The following CSMD1 variants were observed in gnomAD, a reference collection of about 807,000 sequenced individuals.
The protein encoded by CSMD1 is CUB and Sushi multiple domains 1.
CSMD1 carries 213 observed loss-of-function variants against 417.5 expected under a neutral mutation model. The ratio of observed to expected loss-of-function variants is 0.51; its 90% confidence interval spans 0.46 to 0.57. The LOEUF is 0.57. Among genes scored for constraint, CSMD1 ranks in the 20% least tolerant of loss-of-function variants. CSMD1 has a pLI of 0.00. For missense variants in CSMD1, 6,923 were observed against 4,529.7 expected (o/e 1.53, Z -15.17); for synonymous variants, 2,862 against 1,736.8 (o/e 1.65, Z -16.11).
intron 3 of CSMD1, among the ~76,000 whole-genome samples, chr8:4,114,664 T>A (rs531873195): frequency 6.6e-6 from 1 of 152,210 alleles, no homozygotes; most frequent in African/African-American, 2.4e-5. Flanking sequence ...TAGATGCCAT[T>A]AAGAAAAATT....
chr8:4,163,749 T>C (rs1047766040), intron 3 of CSMD1, among the ~76,000 whole-genome samples: 53 of 152,328 alleles, frequency 3.5e-4, no homozygotes, highest in African/African-American at 1.3e-3. Flanking sequence ...GCACTAATAC[T>C]GCTAAGCTTA....
chr8:4,399,782 T>G (rs1453028965), intron 3 of CSMD1, among the ~76,000 whole-genome samples: 4 of 152,226 alleles, frequency 2.6e-5, no homozygotes, highest in Non-Finnish European at 5.9e-5. Context: ...GTGAGTCTAT[T>G]TCTAAAAGAT....
At chr8:3,796,774 C>G (rs1288829641) in intron 5 of CSMD1, among the ~76,000 whole-genome samples, 2 of 151,168 alleles carry the variant, frequency 1.3e-5, no homozygotes, top group Non-Finnish European at 3.0e-5. Context: ...TTCTGATCAT[C>G]ATATTCTTGA....
intron 2 of CSMD1, among the ~76,000 whole-genome samples, chr8:4,462,532 C>T (rs771134898): frequency 4.6e-5 from 7 of 152,020 alleles, no homozygotes; most frequent in African/African-American, 1.7e-4. Context: ...ACTTAGAATA[C>T]TCAAAACAAT....
Position 4,476,238 on chromosome 8 carries a change from T to C in CSMD1, c.303-56173A>G, listed in dbSNP as rs79972332. Among the ~76,000 whole-genome samples the C allele has an allele frequency of 5.8e-4, 89 of 152,258 alleles. 2 individuals are homozygous for C. The East Asian group carries it at 0.016, about 28-fold the overall frequency. ...AATAAAACTTTTTTAAAAAAAGATA[T>C]GCTAGAAGATATTATACTTTTTATT... On this transcript the variant is annotated intron_variant, in intron 2 of 69. Coordinates refer to ENST00000635120, the MANE Select transcript of CSMD1 (RefSeq NM_033225.6).
At chr8:4,502,690 T>G (rs1245903669) in intron 2 of CSMD1, among the ~76,000 whole-genome samples, 1 of 152,208 alleles carries the variant, frequency 6.6e-6, no homozygotes, top group African/African-American at 2.4e-5. Flanking sequence ...CTTTTCTCTT[T>G]GACTTTAGTT....
intron 6 of CSMD1, among the ~76,000 whole-genome samples, chr8:3,736,291 G>C (rs937271935): frequency 1.1e-4 from 17 of 152,016 alleles, no homozygotes; most frequent in Non-Finnish European, 2.9e-5. Flanking sequence ...ACCCAGGCTA[G>C]AGTGCAGTGG....
intron 11 of CSMD1, among the ~76,000 whole-genome samples, chr8:3,491,293 G>C (rs1341023575): frequency 6.6e-6 from 1 of 151,952 alleles, no homozygotes; most frequent in African/African-American, 2.4e-5. Context: ...TGTGAACTGG[G>C]GTAAATCCTT....
chr8:2,946,322 C>T (rs189318), intron 68 of CSMD1, among the ~76,000 whole-genome samples: 5,443 of 152,232 alleles, frequency 0.036, 288 homozygotes, highest in African/African-American at 0.12. Context: ...CAATCACCAC[C>T]GTAGTCTCAC....
intron 10 of CSMD1, among the ~76,000 whole-genome samples, chr8:3,520,012 G>GTGTATACATATATATA (rs1225105460): frequency 5.0e-5 from 6 of 120,110 alleles, no homozygotes; most frequent in South Asian, 5.4e-4. Context: ...GTGTGTGTGT[G>GTGTATACATATATATA]TATATACCTA....
chr8:4,851,597 T>C (rs754388459), intron 1 of CSMD1, among the ~76,000 whole-genome samples: 11 of 152,164 alleles, frequency 7.2e-5, no homozygotes, highest in Non-Finnish European at 1.3e-4. Flanking sequence ...TTCAATAGCC[T>C]ATCCAACTCC....
intron 3 of CSMD1, among the ~76,000 whole-genome samples, chr8:4,251,585 C>T (rs756372196): frequency 6.6e-6 from 1 of 152,138 alleles, no homozygotes; most frequent in African/African-American, 2.4e-5. Flanking sequence ...TCTATCCCAA[C>T]CCAAAAGTAA....
At chr8:2,979,270 G>T (rs1805201311) in intron 54 of CSMD1, among the ~76,000 whole-genome samples, 1 of 152,188 alleles carries the variant, frequency 6.6e-6, no homozygotes, top group Non-Finnish European at 1.5e-5. Context: ...TTTGCTCTAT[G>T]TAGAACGCAA....
Position 3,463,940 on chromosome 8 carries a change from T to G in CSMD1, c.1561+4772A>C, listed in dbSNP as rs537643924. Among the ~76,000 whole-genome samples, 10 of 152,254 alleles carry G rather than the reference T, an allele frequency of 6.6e-5. No individual in the cohort carries two copies. In the South Asian group the frequency reaches 2.1e-3, roughly 32 times the overall value. ...ACAGACTGAGATGCCTACACAAATT[T>G]CCATTCTCTTATTATCACTGTATTC... On this transcript the variant is annotated intron_variant, in intron 12 of 69. Transcript: ENST00000635120.
intron 7 of CSMD1, among the ~76,000 whole-genome samples, chr8:3,678,936 T>G (rs1184450749): frequency 2.0e-5 from 3 of 152,084 alleles, no homozygotes; most frequent in Non-Finnish European, 4.4e-5. Context: ...CCAGCCAAAT[T>G]AAGCTTCATA....
chr8:4,040,445 A>T (rs550662454), intron 3 of CSMD1, among the ~76,000 whole-genome samples: 1 of 152,330 alleles, frequency 6.6e-6, no homozygotes, highest in East Asian at 1.9e-4. Context: ...CTGGTAGTAG[A>T]GCTTGCATAT....
At chr8:3,689,150 A>T (rs1443370646) in intron 7 of CSMD1, among the ~76,000 whole-genome samples, 2 of 152,176 alleles carry the variant, frequency 1.3e-5, no homozygotes, top group African/African-American at 4.8e-5. Context: ...GTTGTGAGAC[A>T]ACGCGCTCTA....
chr8:3,111,620 T>C (rs1816521134), intron 42 of CSMD1, among the ~76,000 whole-genome samples: 1 of 151,804 alleles, frequency 6.6e-6, no homozygotes, highest in Non-Finnish European at 1.5e-5. Flanking sequence ...TCACCTGAGG[T>C]CAGGAGTTTG....
At chr8:4,030,469 G>A (rs539375433) in intron 4 of CSMD1, among the ~76,000 whole-genome samples, 1 of 152,204 alleles carries the variant, frequency 6.6e-6, no homozygotes, top group South Asian at 2.1e-4. Flanking sequence ...TGAGCTTTAT[G>A]TTGCCCCTTT....
Sources: allele counts gnomAD v4.1 joint callset (sites outside exome capture counted in the v4.1 genomes callset), GRCh38; gene constraint gnomAD v4.1.1; transcripts MANE v1.5; gene names NCBI Gene and HGNC (gene_info 2026-07-23, HGNC 2026-07-21).